APBB2: variants seen among roughly 807,000 people sequenced by gnomAD.
The protein encoded by APBB2 is Fe65-like 1.
In APBB2, 38 loss-of-function variants were observed where a neutral mutation model predicts 82.5. The observed-to-expected ratio is 0.46, with a 90% CI of 0.36 to 0.60. APBB2 has a LOEUF of 0.60. APBB2 is among the 20% of genes least tolerant of loss of function. The pLI, the probability that APBB2 is intolerant of heterozygous loss-of-function variation, is 0.00. For synonymous variants in APBB2, 341 were observed against 368.2 expected (o/e 0.93, Z 0.85); for missense variants, 772 against 972.3 (o/e 0.79, Z 2.74).
intron 15 of APBB2, 38 bp from the exon 16 acceptor site, chr4:40,823,797 C>G: frequency 1.4e-6 from 2 of 1,391,884 alleles, no homozygotes; most frequent in Non-Finnish European, 2.0e-6. Flanking sequence ...TGTCCTAAAG[C>G]CACTTACCAC....
In APBB2 at chr4:40,972,886, G is replaced by C. The variant is rs1796300914; in HGVS notation, c.836-27813C>G. ...TGTCTAAGATTTGGCACTACAGTGA[G>C]TGCTTAATAAGAATTTGCTAAATGA... On this transcript the variant is annotated intron_variant, in intron 6 of 17. Coordinates refer to ENST00000508593, the MANE Select transcript of APBB2 (RefSeq NM_004307.2). Among the ~76,000 whole-genome samples the C allele has an allele frequency of 1.3e-5, 2 of 152,228 alleles. 1 individual carries two copies. The highest frequency in any genetic ancestry group is 4.1e-4 in the South Asian group (2 of 4,832).
At chr4:40,991,540 G>GA (rs927368677) in intron 6 of APBB2, among the ~76,000 whole-genome samples, 3 of 151,394 alleles carry the variant, frequency 2.0e-5, no homozygotes, top group African/African-American at 4.9e-5. Context: ...AGTACAGGGG[G>GA]AAAAAAAACC....
At chr4:41,158,494 T>A (rs1014577540) in intron 1 of APBB2, among the ~76,000 whole-genome samples, 4 of 152,190 alleles carry the variant, frequency 2.6e-5, no homozygotes, top group African/African-American at 9.7e-5. Context: ...AAGGTACATG[T>A]CTGGGCAACA....
Position 40,894,070 on chromosome 4 carries a change from C to T in APBB2, c.1255-659G>A, listed in dbSNP as rs889044782. The stretch of plus-strand genomic sequence containing the variant: ...TTGGGAGGCCGAGGTAGGCAGATCA[C>T]GAGGTCAGGAGATCGAGACCATCCC... On this transcript the variant is annotated intron_variant, in intron 10 of 17. Transcript: ENST00000508593. 6.6e-5 allele frequency among the ~76,000 whole-genome samples: 10 copies of T among 152,094 alleles called. No individual in the cohort carries two copies. In the East Asian group the frequency reaches 1.7e-3, roughly 27 times the overall value.
Position 40,826,936 on chromosome 4 carries a change from G to T in APBB2, c.1732+196C>A. ...TCCAATAACAACAAAACTCATCCTG[G>T]CTTTATGCCTAACCCTAGTGATGCA... On this transcript the variant is annotated intron_variant, in intron 14 of 17. Transcript: ENST00000508593. This position sits in a 1 kb window ranked among gnomAD's most constrained non-coding sequence, Gnocchi z 4.5. 1.9e-6 allele frequency: 1 copy of T among 521,312 alleles called. No homozygotes were observed. Among genetic ancestry groups the T allele is most frequent in the Non-Finnish European group, 3.4e-6 (1 of 292,902 alleles). 32.3% of individuals were successfully genotyped at this position (521,312 alleles called of 1,614,324 possible). A position where few individuals can be genotyped will look rare whatever the true frequency, so the allele number is the denominator to read the frequency against.
chr4:41,001,032 T>TC lies in APBB2; in HGVS notation c.835+12550dup, dbSNP rs201569131. On this transcript the variant is annotated intron_variant, in intron 6 of 17. Coordinates refer to ENST00000508593, the MANE Select transcript of APBB2 (RefSeq NM_004307.2). Reference sequence around the variant, plus strand: ...GATGAATGGAAACACTGGTCAGAGGTCCCCCACTGTAAAGCAAAGCAGGAA... The same window carrying TC: ...GATGAATGGAAACACTGGTCAGAGGTCCCCCCACTGTAAAGCAAAGCAGGAA... Among the ~76,000 whole-genome samples the TC allele has an allele frequency of 6.5e-3, 987 of 151,614 alleles. 15 individuals are homozygous for TC. The highest frequency in any genetic ancestry group is 0.021 in the African/African-American group (878 of 41,338).
At chr4:41,166,988 T>A (rs1358284452) in intron 1 of APBB2, among the ~76,000 whole-genome samples, 1 of 152,270 alleles carries the variant, frequency 6.6e-6, no homozygotes, top group African/African-American at 2.4e-5. Flanking sequence ...AAACCCACAC[T>A]TCTGTCTTGG....
At chr4:41,022,553 C>T (rs1230179706) in intron 5 of APBB2, among the ~76,000 whole-genome samples, 2 of 152,170 alleles carry the variant, frequency 1.3e-5, no homozygotes, top group Admixed American at 6.5e-5. Context: ...TCTCTTGTCC[C>T]TCTGGAGTCT....
At chr4:40,981,940 C>A (rs576015919) in intron 6 of APBB2, among the ~76,000 whole-genome samples, 1 of 151,904 alleles carries the variant, frequency 6.6e-6, no homozygotes, top group South Asian at 2.1e-4. Context: ...AATCCCAGCA[C>A]TTTGGGAGGC....
chr4:41,094,628 G>A (rs1392719925), intron 3 of APBB2, among the ~76,000 whole-genome samples: 1 of 152,126 alleles, frequency 6.6e-6, no homozygotes. Flanking sequence ...GCAGTGGTGC[G>A]ATCTTGGCTC....
intron 1 of APBB2, among the ~76,000 whole-genome samples, chr4:41,212,700 A>C (rs548744511): frequency 2.0e-5 from 3 of 152,324 alleles, no homozygotes; most frequent in Admixed American, 2.0e-4. Flanking sequence ...GGGGTCATAC[A>C]GTACATGGAC....
intron 3 of APBB2, among the ~76,000 whole-genome samples, chr4:41,069,618 A>G (rs554311302): frequency 6.6e-6 from 1 of 152,342 alleles, no homozygotes; most frequent in Admixed American, 6.5e-5. Context: ...TCAGATGCCT[A>G]CTAACTGGAA....
At chr4:41,181,886 C>A (rs1036278805) in intron 1 of APBB2, among the ~76,000 whole-genome samples, 2 of 137,832 alleles carry the variant, frequency 1.5e-5, no homozygotes, top group Non-Finnish European at 3.0e-5. Flanking sequence ...GTGGAGATTG[C>A]GGTGAGTCGA....
intron 6 of APBB2, among the ~76,000 whole-genome samples, chr4:40,968,428 G>A (rs1795184219): frequency 6.6e-6 from 1 of 152,120 alleles, no homozygotes; most frequent in South Asian, 2.1e-4. Flanking sequence ...TGCTTGTTGT[G>A]ACTACAGTGC....
chr4:40,890,376 C>T lies in APBB2; in HGVS notation c.1517G>A (p.Arg506His), dbSNP rs959299569. ...CCCAGGGACTCACCGGCCATTGTCGCGGCCCACGCCCCACACGCGGATGCT... is the reference window on the plus strand; with the variant it reads ...CCCAGGGACTCACCGGCCATTGTCGTGGCCCACGCCCCACACGCGGATGCT... Reference protein sequence around the residue: ...IVSIRVWGVGRDNGRDFAYVA... With the variant: ...IVSIRVWGVGHDNGRDFAYVA... The change falls in exon 12 of 18, where the codon CGC becomes CAC. Residue 506 changes from arginine to histidine, a missense_variant. Coordinates refer to ENST00000508593, the MANE Select transcript of APBB2 (RefSeq NM_004307.2). The T allele has an allele frequency of 1.4e-5, 23 of 1,612,412 alleles. No individual in the cohort carries two copies. Among genetic ancestry groups the T allele is most frequent in the African/African-American group, 6.7e-5 (5 of 74,884 alleles).
chr4:41,042,780 G>A (rs561997509), intron 4 of APBB2, among the ~76,000 whole-genome samples: 1 of 152,214 alleles, frequency 6.6e-6, no homozygotes, highest in South Asian at 2.1e-4. Context: ...GTAGCCACAT[G>A]AGTGAGCTCA....
At chr4:40,900,342 G>A (rs1774911595) in intron 10 of APBB2, among the ~76,000 whole-genome samples, 1 of 152,004 alleles carries the variant, frequency 6.6e-6, no homozygotes, top group East Asian at 1.9e-4. Flanking sequence ...AGATAAGTTC[G>A]TGCTCTTGAG....
intron 7 of APBB2, among the ~76,000 whole-genome samples, chr4:40,944,065 A>G (rs1787725771): frequency 6.6e-6 from 1 of 152,256 alleles, no homozygotes; most frequent in Non-Finnish European, 1.5e-5. Flanking sequence ...TCATGCCTCA[A>G]GGCAAAAGAA....
chr4:41,024,859 AT>A (rs1400294656), intron 5 of APBB2, among the ~76,000 whole-genome samples: 2 of 152,264 alleles, frequency 1.3e-5, no homozygotes, highest in African/African-American at 2.4e-5. Context: ...GCAAGCCTCC[AT>A]AACAGCCATC....
Sources: gnomAD v4.1 joint callset for allele counts (sites outside exome capture counted in the v4.1 genomes callset) on GRCh38, gnomAD v4.1.1 for gene constraint, Gnocchi (gnomAD v3.1) non-coding constraint, MANE v1.5 for transcripts, NCBI Gene and HGNC (gene_info 2026-07-23, HGNC 2026-07-21) for gene names.